Variants in FLRT2 observed in about 807,000 individuals in gnomAD.
FLRT2 encodes the protein fibronectin leucine rich transmembrane protein 2.
FLRT2 carries 15 observed loss-of-function variants against 40.0 expected under a neutral mutation model. The ratio of observed to expected loss-of-function variants is 0.38; its 90% confidence interval spans 0.25 to 0.58. FLRT2 has a LOEUF of 0.58. FLRT2 is among the 20% of genes least tolerant of loss of function. The pLI, the probability that FLRT2 is intolerant of heterozygous loss-of-function variation, is 0.71. For synonymous variants in FLRT2, 380 were observed against 336.8 expected, an observed-to-expected ratio of 1.13 and a Z score of -1.41; for missense variants, 726 against 840.0, an observed-to-expected ratio of 0.86 and a Z score of 1.68.
rs951985594 is a variant in FLRT2, at chr14:85,622,742, G to A, written c.1228G>A (p.Asp410Asn). Residue 410 changes from aspartate (D) to asparagine (N), a missense_variant, in exon 2 of 2, where the codon GAC becomes AAC. Asp to Asn is a conservative substitution (Grantham distance 23). Around this residue, in one of 3 missense-constraint regions of FLRT2, gnomAD observed 611 missense variants for 690.0 expected, o/e 0.89. Transcript: ENST00000330753. Reference protein sequence around the residue: ...PTTSKLPTIPDWDGRERVTPP... With the variant: ...PTTSKLPTIPNWDGRERVTPP... ...CACATCGAAACTTCCCACGATTCCTGACTGGGATGGCAGAGAAAGAGTGAC... is the reference window on the plus strand; with the variant it reads ...CACATCGAAACTTCCCACGATTCCTAACTGGGATGGCAGAGAAAGAGTGAC... 21 of 1,613,906 alleles carry A rather than the reference G, an allele frequency of 1.3e-5. No individual in the cohort carries two copies. The highest frequency in any genetic ancestry group is 1.7e-5 in the Admixed American group (1 of 59,998).
chr14:85,594,360 C>T (rs1040829243), intron 1 of FLRT2, among the ~76,000 whole-genome samples: 5 of 152,086 alleles, frequency 3.3e-5, no homozygotes, highest in Admixed American at 2.0e-4. Context: ...TGTGTGTACA[C>T]GTCTTTGAGT....
At chr14:85,549,253 G>C (rs1382323621) in intron 1 of FLRT2, among the ~76,000 whole-genome samples, 2 of 151,724 alleles carry the variant, frequency 1.3e-5, no homozygotes, top group South Asian at 4.1e-4. Flanking sequence ...GCCATCCATG[G>C]ATGGCAAAAC....
intron 1 of FLRT2, among the ~76,000 whole-genome samples, chr14:85,549,635 G>T (rs1889490293): frequency 6.6e-6 from 1 of 152,122 alleles, no homozygotes; most frequent in Admixed American, 6.5e-5. Context: ...TTGTGTTTGT[G>T]GCTACTTCCT....
intron 1 of FLRT2, among the ~76,000 whole-genome samples, chr14:85,615,905 G>T (rs924326335): frequency 3.3e-5 from 5 of 152,116 alleles, no homozygotes; most frequent in African/African-American, 9.7e-5. Context: ...TATAGTTTTA[G>T]TTTATTAAGT....
At chr14:85,533,971 G>A (rs1888474475) in intron 1 of FLRT2, among the ~76,000 whole-genome samples, 1 of 152,214 alleles carries the variant, frequency 6.6e-6, no homozygotes, top group African/African-American at 2.4e-5. Context: ...AGGGCTGGAA[G>A]GAGACCTCGA....
At chr14:85,603,735 G>A (rs1892485673) in intron 1 of FLRT2, among the ~76,000 whole-genome samples, 1 of 152,068 alleles carries the variant, frequency 6.6e-6, no homozygotes, top group Non-Finnish European at 1.5e-5. Context: ...AGGCATAGTA[G>A]TATGCACCTG....
chr14:85,575,995 T>G (rs558037587), intron 1 of FLRT2, among the ~76,000 whole-genome samples: 1 of 152,314 alleles, frequency 6.6e-6, no homozygotes, highest in South Asian at 2.1e-4. Context: ...ACTCCATTTG[T>G]GAGGGTATAT....
At chr14:85,597,729 C>A (rs1051612524) in intron 1 of FLRT2, among the ~76,000 whole-genome samples, 1 of 152,146 alleles carries the variant, frequency 6.6e-6, no homozygotes, top group African/African-American at 2.4e-5. Context: ...GCTAAGGATG[C>A]GGCCAACTTT....
In FLRT2 at chr14:85,644,607, T is replaced by A. The variant is rs1479078521; in HGVS notation, c.*21110T>A. 1 of 152,222 alleles carries A rather than the reference T, an allele frequency of 6.6e-6. No homozygotes were observed. Among genetic ancestry groups the A allele is most frequent in the Non-Finnish European group, 1.5e-5 (1 of 68,032 alleles). The allele number at this position is 152,222 out of a possible 1,614,324, so 9.4% of individuals were successfully genotyped here. On this transcript the variant is annotated 3_prime_UTR_variant, in exon 2 of 2. Transcript: ENST00000330753. ...AAATTTCTGGGAGTTTAGTCCGGCA[T>A]GTCTGGAAATCCTTTCCAAAGAAAC... is the stretch of plus-strand genomic sequence containing the variant.
chr14:85,619,388 C>A (rs1449988971), intron 1 of FLRT2, among the ~76,000 whole-genome samples: 4 of 152,048 alleles, frequency 2.6e-5, no homozygotes, highest in Non-Finnish European at 5.9e-5. Context: ...TGAAATCAAG[C>A]CCGGCCATGC....
Position 85,630,331 on chromosome 14 carries a change from A to G in FLRT2, c.*6834A>G, listed in dbSNP as rs1893836190. 1 of 145,790 alleles carries G rather than the reference A, an allele frequency of 6.9e-6. No individual in the cohort carries two copies. The highest frequency in any genetic ancestry group is 1.5e-5 in the Non-Finnish European group (1 of 67,226). 9.0% of individuals were successfully genotyped at this position (145,790 alleles called of 1,614,324 possible). ...TTGGTATGAAGTCTAAACTAGACGA[A>G]AACCTCAATATATCCTTAGGGGAAT... is the stretch of plus-strand genomic sequence containing the variant. On this transcript the variant is annotated 3_prime_UTR_variant, in exon 2 of 2. Transcript: ENST00000330753.
chr14:85,534,019 T>G (rs1323447749), intron 1 of FLRT2, among the ~76,000 whole-genome samples: 2 of 152,136 alleles, frequency 1.3e-5, no homozygotes, highest in Non-Finnish European at 1.5e-5. Flanking sequence ...AACCCTCTTC[T>G]TCCATGCCCC....
chr14:85,534,186 C>A (rs962459631), intron 1 of FLRT2, among the ~76,000 whole-genome samples: 6 of 152,156 alleles, frequency 3.9e-5, no homozygotes, highest in Non-Finnish European at 4.4e-5. Flanking sequence ...GAGGCAAATT[C>A]CCCCAGGAGT....
In FLRT2 at chr14:85,645,252, G is replaced by A. The variant is rs970173017; in HGVS notation, c.*21755G>A. On this transcript the variant is annotated 3_prime_UTR_variant, in exon 2 of 2. Coordinates refer to ENST00000330753, the MANE Select transcript of FLRT2 (RefSeq NM_013231.6). ...TATGTATATACATATATGTATACATGTGTATATATGTATACATGTGTATAT... is the reference window on the plus strand; with the variant it reads ...TATGTATATACATATATGTATACATATGTATATATGTATACATGTGTATAT... The A allele has an allele frequency of 7.4e-4, 74 of 99,710 alleles. No individual in the cohort carries two copies. Among genetic ancestry groups the A allele is most frequent in the African/African-American group, 2.7e-3 (63 of 23,424 alleles). The allele number at this position is 99,710 out of a possible 1,614,324, so 6.2% of individuals were successfully genotyped here.
In FLRT2 at chr14:85,648,835, AGG is replaced by A; in HGVS notation, c.*25339_*25340del. The A allele has an allele frequency of 6.6e-6, 1 of 152,194 alleles. No homozygotes were observed. The highest frequency in any genetic ancestry group is 2.1e-4 in the South Asian group (1 of 4,828). The allele number at this position is 152,194 out of a possible 1,614,324, so 9.4% of individuals were successfully genotyped here. A position where few individuals can be genotyped will look rare whatever the true frequency, so the allele number is the denominator to read the frequency against. ...TGCCTCCCATTAAGTTATAAGATCC[AGG>A]AATTTAATAATTTATTTTGATAAGG... On this transcript the variant is annotated 3_prime_UTR_variant, in exon 2 of 2. Transcript: ENST00000330753.
chr14:85,590,553 A>T (rs984606760), intron 1 of FLRT2, among the ~76,000 whole-genome samples: 2 of 152,136 alleles, frequency 1.3e-5, no homozygotes, highest in African/African-American at 2.4e-5. Flanking sequence ...AGTATCATGC[A>T]TATGGAGAAG....
intron 1 of FLRT2, among the ~76,000 whole-genome samples, chr14:85,616,575 C>T (rs1893145467): frequency 6.6e-6 from 1 of 152,182 alleles, no homozygotes; most frequent in African/African-American, 2.4e-5. Flanking sequence ...TTACAAGCAG[C>T]TTGGATCTGT....
intron 1 of FLRT2, among the ~76,000 whole-genome samples, chr14:85,611,590 A>G (rs1892863396): frequency 6.6e-6 from 1 of 152,008 alleles, no homozygotes; most frequent in Non-Finnish European, 1.5e-5. Context: ...TGTCTTGGAG[A>G]TGTAGTACTT....
chr14:85,554,892 G>A (rs953604293), intron 1 of FLRT2, among the ~76,000 whole-genome samples: 13 of 152,120 alleles, frequency 8.5e-5, no homozygotes, highest in African/African-American at 1.4e-4. Flanking sequence ...GTAGTTTGCC[G>A]TCCTGCAGAG....
Sources: gnomAD v4.1 joint callset for allele counts (sites outside exome capture counted in the v4.1 genomes callset) on GRCh38, gnomAD v4.1.1 for gene constraint, gnomAD v4.1.1 regional missense constraint, MANE v1.5 for transcripts, NCBI Gene and HGNC (gene_info 2026-07-23, HGNC 2026-07-21) for gene names.